The following PPP2R2B variants were observed in gnomAD, a reference collection of about 807,000 sequenced individuals.
The protein encoded by PPP2R2B is serine/threonine-protein phosphatase 2A 55 kDa regulatory subunit B beta isoform.
Under a neutral mutation model 46.0 loss-of-function variants are expected in PPP2R2B, and 5 were observed. The ratio of observed to expected loss-of-function variants is 0.11; its 90% CI spans 0.06 to 0.23. The LOEUF is 0.23. PPP2R2B is among the 10% of genes least tolerant of loss of function. The pLI is 1.00. For synonymous variants in PPP2R2B, 215 were observed against 206.7 expected (o/e 1.04, Z -0.34); for missense variants, 367 against 575.0 (o/e 0.64, Z 3.70).
intron 2 of PPP2R2B, among the ~76,000 whole-genome samples, chr5:147,076,053 CAT>C (rs1561615403): frequency 6.6e-6 from 1 of 152,060 alleles, no homozygotes; most frequent in Non-Finnish European, 1.5e-5. Flanking sequence ...ACTCCATTCC[CAT>C]AAGTAGTGAA....
intron 1 of PPP2R2B, among the ~76,000 whole-genome samples, chr5:147,034,001 A>G (rs545864516): frequency 6.6e-6 from 1 of 152,312 alleles, no homozygotes; most frequent in East Asian, 1.9e-4. Flanking sequence ...CTGAAAATAA[A>G]GCTAAGTTTC....
intron 1 of PPP2R2B, among the ~76,000 whole-genome samples, chr5:146,967,028 T>C (rs1752448971): frequency 1.3e-5 from 2 of 152,236 alleles, no homozygotes; most frequent in African/African-American, 4.8e-5. Context: ...TAGTTTCACC[T>C]ATTTTACAGA....
At chr5:146,830,561 G>A (rs1332368535) in intron 2 of PPP2R2B, among the ~76,000 whole-genome samples, 1 of 147,816 alleles carries the variant, frequency 6.8e-6, no homozygotes, top group Non-Finnish European at 1.5e-5. Context: ...GTCTCACTCT[G>A]TCGCCCAGGC....
intron 2 of PPP2R2B, 181 bp from the exon 3 acceptor site, chr5:146,701,323 C>T (rs1779525585): frequency 1.3e-6 from 1 of 743,768 alleles, no homozygotes; most frequent in Non-Finnish European, 2.4e-6. Flanking sequence ...AAGTAAATTT[C>T]CTAGATGCCC....
intron 2 of PPP2R2B, among the ~76,000 whole-genome samples, chr5:146,853,748 C>T (rs1187723689): frequency 2.0e-5 from 3 of 151,926 alleles, no homozygotes; most frequent in South Asian, 2.1e-4. Context: ...AAAATATCTA[C>T]GATAGACTTT....
At chr5:146,590,998 G>A (rs1457456405) in intron 9 of PPP2R2B, among the ~76,000 whole-genome samples, 1 of 151,948 alleles carries the variant, frequency 6.6e-6, no homozygotes, top group Non-Finnish European at 1.5e-5. Flanking sequence ...TCGATCAGGA[G>A]AGTGGCAAAC....
chr5:146,937,071 G>A (rs1250458944), intron 1 of PPP2R2B, among the ~76,000 whole-genome samples: 2 of 152,118 alleles, frequency 1.3e-5, no homozygotes, highest in Non-Finnish European at 2.9e-5. Context: ...GGAAGCCAAG[G>A]CGGGCGGATG....
chr5:146,670,480 T>TTTAC (rs1228670259), intron 5 of PPP2R2B, among the ~76,000 whole-genome samples: 1 of 131,956 alleles, frequency 7.6e-6, no homozygotes, highest in African/African-American at 3.8e-5. Flanking sequence ...TGTACTATTA[T>TTTAC]TTATTTATTT....
chr5:147,067,861 T>C (rs149223316), intron 2 of PPP2R2B, among the ~76,000 whole-genome samples: 91 of 152,304 alleles, frequency 6.0e-4, no homozygotes, highest in African/African-American at 2.1e-3. Flanking sequence ...TCATGTTTGT[T>C]GATGATGTAG....
intron 2 of PPP2R2B, among the ~76,000 whole-genome samples, chr5:146,741,853 G>A (rs1229088125): frequency 6.6e-6 from 1 of 152,192 alleles, no homozygotes; most frequent in African/African-American, 2.4e-5. Flanking sequence ...GGTTCAACAA[G>A]TCTGTTTTGA....
At chr5:146,620,879 AT>A (rs1354730777) in intron 7 of PPP2R2B, among the ~76,000 whole-genome samples, 1 of 152,160 alleles carries the variant, frequency 6.6e-6, no homozygotes, top group Non-Finnish European at 1.5e-5. Context: ...AGTGGCTATT[AT>A]TAGGGGTGAT....
At chr5:146,719,839 T>C (rs1780698464) in intron 2 of PPP2R2B, among the ~76,000 whole-genome samples, 1 of 148,794 alleles carries the variant, frequency 6.7e-6, no homozygotes, top group Admixed American at 6.7e-5. Context: ...TTTTAAACAA[T>C]TGAGATTTTT....
At chr5:146,590,362 T>A in intron 9 of PPP2R2B, 136 bp from the exon 10 acceptor site, 1 of 751,398 alleles carries the variant, frequency 1.3e-6, no homozygotes, top group Non-Finnish European at 2.0e-6. Flanking sequence ...GAACAGGCTC[T>A]GCAGTGTGAT....
At chr5:146,732,558 G>A (rs922876212) in intron 2 of PPP2R2B, among the ~76,000 whole-genome samples, 7 of 152,140 alleles carry the variant, frequency 4.6e-5, no homozygotes, top group Admixed American at 3.9e-4. Flanking sequence ...ACCTGGAAGT[G>A]AATTCCAGTT....
chr5:146,894,769 T>C (rs1018249203), intron 1 of PPP2R2B, among the ~76,000 whole-genome samples: 1 of 152,184 alleles, frequency 6.6e-6, no homozygotes, highest in African/African-American at 2.4e-5. Context: ...ACACTTTTTC[T>C]ACTTCTTGAA....
At chr5:146,795,841 G>T (rs1297465767) in intron 2 of PPP2R2B, among the ~76,000 whole-genome samples, 1 of 152,096 alleles carries the variant, frequency 6.6e-6, no homozygotes, top group Non-Finnish European at 1.5e-5. Context: ...CTAAAAAACA[G>T]AAGATTCGAT....
Position 146,811,878 on chromosome 5 carries a change from T to G in PPP2R2B, c.70+66124A>C, listed in dbSNP as rs116445571. 6.3e-3 allele frequency among the ~76,000 whole-genome samples: 953 copies of G among 152,108 alleles called. 7 individuals carry two copies. The highest frequency in any genetic ancestry group is 9.8e-3 in the Non-Finnish European group (663 of 67,966). Reference sequence around the variant, plus strand: ...CACCGTGCCCAGCCAGAATCAACTATGTATTATCTGTCACTATCACACTAA... The same window carrying G: ...CACCGTGCCCAGCCAGAATCAACTAGGTATTATCTGTCACTATCACACTAA... On this transcript the variant is annotated intron_variant, in intron 2 of 9. Coordinates refer to ENST00000394411, the MANE Select transcript of PPP2R2B (RefSeq NM_181675.4).
intron 3 of PPP2R2B, among the ~76,000 whole-genome samples, 173 bp from the exon 4 acceptor site, chr5:146,698,317 A>AAATATATAT (rs1250416449): frequency 1.2e-5 from 1 of 85,626 alleles, no homozygotes; most frequent in African/African-American, 4.9e-5. Context: ...AAAAAAAAAA[A>AAATATATAT]ATATATATAT....
chr5:146,875,579 T>G (rs1239224350), intron 2 of PPP2R2B, among the ~76,000 whole-genome samples: 4 of 152,092 alleles, frequency 2.6e-5, no homozygotes, highest in African/African-American at 7.2e-5. Context: ...TGTGGAATGA[T>G]CTGAGCAAAC....
Sources: allele counts gnomAD v4.1 joint callset (sites outside exome capture counted in the v4.1 genomes callset), GRCh38; gene constraint gnomAD v4.1.1; transcripts MANE v1.5; gene names NCBI Gene and HGNC (gene_info 2026-07-23, HGNC 2026-07-21).